PLCL1: variants seen among roughly 807,000 people sequenced by gnomAD.
PLCL1 encodes phospholipase C like 1 (inactive), also known as inactive phospholipase C-like protein 1.
PLCL1 carries 41 observed loss-of-function variants against 84.4 expected under a neutral mutation model. The ratio of observed to expected loss-of-function variants is 0.49; its 90% CI spans 0.38 to 0.63. The LOEUF (loss-of-function observed/expected upper bound fraction) is 0.63, where lower values mean the gene tolerates loss of function less well. PLCL1 is among the 30% of genes least tolerant of loss of function. PLCL1 has a pLI of 0.00. For missense variants in PLCL1, 1,206 were observed against 1,367.8 expected, an observed-to-expected ratio of 0.88 and a Z score of 1.87; for synonymous variants, 490 against 488.3, an observed-to-expected ratio of 1.00 and a Z score of -0.05.
chr2:197,848,901 C>T (rs377289554), intron 1 of PLCL1, among the ~76,000 whole-genome samples: 1 of 152,096 alleles, frequency 6.6e-6, no homozygotes, highest in East Asian at 1.9e-4. Context: ...AAATTCCTTT[C>T]TTTAACTAGA....
intron 1 of PLCL1, among the ~76,000 whole-genome samples, chr2:198,063,918 C>T (rs1692265066): frequency 1.3e-5 from 2 of 152,176 alleles, no homozygotes; most frequent in Non-Finnish European, 2.9e-5. Flanking sequence ...TGGTTAAGAG[C>T]AAGTACTCCA....
At chr2:197,852,813 T>C (rs1687264263) in intron 1 of PLCL1, among the ~76,000 whole-genome samples, 1 of 152,208 alleles carries the variant, frequency 6.6e-6, no homozygotes, top group Non-Finnish European at 1.5e-5. Context: ...CTAGGATATC[T>C]ATATACATCT....
rs191563874 is a variant in PLCL1, at chr2:197,975,935, T to C, written c.241-107823T>C. 3.8e-3 allele frequency among the ~76,000 whole-genome samples: 576 copies of C among 152,270 alleles called. 5 individuals carry two copies. The highest frequency in any genetic ancestry group is 0.013 in the African/African-American group (551 of 41,538). ...CTGTCTAAATATTTCAGCCCCATCCTCAAATTCATACCTTTCTTCTCCCCA... is the reference window on the plus strand; with the variant it reads ...CTGTCTAAATATTTCAGCCCCATCCCCAAATTCATACCTTTCTTCTCCCCA... On this transcript the variant is annotated intron_variant, in intron 1 of 5. Coordinates refer to ENST00000428675, the MANE Select transcript of PLCL1 (RefSeq NM_006226.4).
chr2:198,079,920 T>C (rs1692668788), intron 1 of PLCL1, among the ~76,000 whole-genome samples: 1 of 152,194 alleles, frequency 6.6e-6, no homozygotes, highest in Non-Finnish European at 1.5e-5. Context: ...ACTATTTATC[T>C]TAATAAATTT....
In PLCL1 at chr2:198,070,493, C is replaced by T. The variant is rs1692437544; in HGVS notation, c.241-13265C>T. ...TTATAAAACTGAATTGTGCTTTGGA[C>T]ATTCTTTTCACCACAGCTAACTAAT... On this transcript the variant is annotated intron_variant, in intron 1 of 5. Transcript: ENST00000428675. 4.6e-5 allele frequency among the ~76,000 whole-genome samples: 7 copies of T among 152,106 alleles called. No homozygotes were observed. In the South Asian group the frequency reaches 1.5e-3, roughly 32 times the overall value.
chr2:198,041,316 CGTT>C (rs962269067), intron 1 of PLCL1, among the ~76,000 whole-genome samples: 10 of 152,036 alleles, frequency 6.6e-5, no homozygotes, highest in African/African-American at 2.4e-5. Flanking sequence ...CAAATATAAT[CGTT>C]GTTATTTTCT....
chr2:198,000,571 G>A (rs1035503123), intron 1 of PLCL1, among the ~76,000 whole-genome samples: 10 of 152,110 alleles, frequency 6.6e-5, no homozygotes, highest in African/African-American at 9.7e-5. Context: ...GGGGTCTTCT[G>A]TGTGGTCATG....
chr2:198,061,801 G>C (rs1447810693), intron 1 of PLCL1, among the ~76,000 whole-genome samples: 1 of 151,890 alleles, frequency 6.6e-6, no homozygotes, highest in Non-Finnish European at 1.5e-5. Flanking sequence ...GGGTTTCACC[G>C]TGTCAGCCAG....
At chr2:197,917,494 C>A (rs938193099) in intron 1 of PLCL1, among the ~76,000 whole-genome samples, 2 of 152,070 alleles carry the variant, frequency 1.3e-5, no homozygotes, top group African/African-American at 2.4e-5. Flanking sequence ...AGGTGAAGTA[C>A]AGAGAATTTT....
intron 1 of PLCL1, among the ~76,000 whole-genome samples, chr2:197,812,157 A>G (rs1312718405): frequency 6.6e-6 from 1 of 152,156 alleles, no homozygotes; most frequent in African/African-American, 2.4e-5. Flanking sequence ...GTTCCTTCTT[A>G]TGGCTGTGTA....
chr2:197,892,998 A>G (rs1378030592), intron 1 of PLCL1, among the ~76,000 whole-genome samples: 1 of 152,196 alleles, frequency 6.6e-6, no homozygotes, highest in African/African-American at 2.4e-5. Flanking sequence ...AAACAAAACA[A>G]AAAACAACAA....
intron 5 of PLCL1, among the ~76,000 whole-genome samples, chr2:198,146,126 C>A (rs1011832203): frequency 5.9e-5 from 9 of 152,178 alleles, no homozygotes; most frequent in Admixed American, 4.6e-4. Flanking sequence ...TGTGTTCCTG[C>A]AATCCTCATT....
At chr2:197,947,934 T>C (rs775570076) in intron 1 of PLCL1, among the ~76,000 whole-genome samples, 2 of 152,082 alleles carry the variant, frequency 1.3e-5, no homozygotes, top group Non-Finnish European at 2.9e-5. Flanking sequence ...ATGAAAACCA[T>C]TGGGGAGTTT....
rs556712211 is a variant in PLCL1, at chr2:197,805,800, T to C, written c.240+461T>C. 1.4e-3 allele frequency among the ~76,000 whole-genome samples: 213 copies of C among 152,312 alleles called. No homozygotes were observed. The highest frequency in any genetic ancestry group is 4.5e-3 in the African/African-American group (185 of 41,568). Reference sequence around the variant, plus strand: ...CTTAAATGATCCCGAAATCCCAAGATGTGTGAACTTTCCCGGTAGGGAGGC... The same window carrying C: ...CTTAAATGATCCCGAAATCCCAAGACGTGTGAACTTTCCCGGTAGGGAGGC... On this transcript the variant is annotated intron_variant, in intron 1 of 5. Transcript: ENST00000428675. The surrounding 1 kb of genome is among the most constrained non-coding windows in gnomAD (Gnocchi z 4.0).
At chr2:198,095,786 G>A (rs62277907) in intron 3 of PLCL1, among the ~76,000 whole-genome samples, 9,212 of 152,180 alleles carry the variant, frequency 0.061, 348 homozygotes, top group Middle Eastern at 0.14. Flanking sequence ...TTCTGCAATC[G>A]TGTTTTTATG....
intron 1 of PLCL1, among the ~76,000 whole-genome samples, chr2:197,912,687 C>T (rs1221874922): frequency 3.4e-4 from 49 of 144,556 alleles, no homozygotes; most frequent in African/African-American, 1.2e-3. Flanking sequence ...AGTAAACTAT[C>T]GCAAGAACAA....
chr2:197,877,108 A>G (rs934174069), intron 1 of PLCL1, among the ~76,000 whole-genome samples: 7 of 152,182 alleles, frequency 4.6e-5, no homozygotes, highest in Admixed American at 2.0e-4. Flanking sequence ...ACAGAAAGAG[A>G]ATGTAATAAC....
intron 1 of PLCL1, among the ~76,000 whole-genome samples, chr2:197,954,782 T>C (rs1363458513): frequency 6.6e-6 from 1 of 152,088 alleles, no homozygotes; most frequent in Non-Finnish European, 1.5e-5. Flanking sequence ...GTTCTTTCTC[T>C]ACATGGCAGT....
chr2:197,879,686 A>G (rs1687794435), intron 1 of PLCL1, among the ~76,000 whole-genome samples: 2 of 152,158 alleles, frequency 1.3e-5, no homozygotes, highest in Non-Finnish European at 1.5e-5. Context: ...GTCAGGATAA[A>G]GGGCTGTGCA....
Sources: gnomAD v4.1 joint callset for allele counts (sites outside exome capture counted in the v4.1 genomes callset) on GRCh38, gnomAD v4.1.1 for gene constraint, Gnocchi (gnomAD v3.1) non-coding constraint, MANE v1.5 for transcripts, NCBI Gene and HGNC (gene_info 2026-07-23, HGNC 2026-07-21) for gene names.